LPGAT1: variants seen among roughly 807,000 people sequenced by gnomAD.
LPGAT1 encodes the protein acyl-CoA:lysophosphatidylglycerol acyltransferase 1.
In LPGAT1, 11 loss-of-function variants were observed where a neutral mutation model predicts 47.5. The observed-to-expected ratio is 0.23, with a 90% CI of 0.15 to 0.38. The LOEUF (loss-of-function observed/expected upper bound fraction) is 0.38, where lower values mean the gene tolerates loss of function less well. Ranked by LOEUF, LPGAT1 falls within the 10% of genes least tolerant of loss-of-function variation. The pLI, the probability that LPGAT1 is intolerant of heterozygous loss-of-function variation, is 1.00. For missense variants in LPGAT1, 293 were observed against 439.0 expected (o/e 0.67, Z 2.97); for synonymous variants, 138 against 144.2 (o/e 0.96, Z 0.31).
chr1:211,759,061 C>A (rs547970294), intron 6 of LPGAT1, among the ~76,000 whole-genome samples: 2 of 152,116 alleles, frequency 1.3e-5, no homozygotes, highest in African/African-American at 4.8e-5. Context: ...CACTATATAA[C>A]ATTACATATT....
chr1:211,815,516 A>G (rs548414771), intron 2 of LPGAT1, among the ~76,000 whole-genome samples: 2 of 152,176 alleles, frequency 1.3e-5, no homozygotes, highest in East Asian at 3.9e-4. Context: ...GGCCACACAC[A>G]CTGGCTTCTC....
At chr1:211,786,949 C>A (rs903771525) in intron 4 of LPGAT1, among the ~76,000 whole-genome samples, 5 of 152,092 alleles carry the variant, frequency 3.3e-5, no homozygotes, top group Non-Finnish European at 5.9e-5. Context: ...ATCCCCACAA[C>A]AACCATTGTG....
chr1:211,816,737 C>G (rs1189684651), intron 2 of LPGAT1, among the ~76,000 whole-genome samples: 2 of 152,158 alleles, frequency 1.3e-5, no homozygotes, highest in Non-Finnish European at 2.9e-5. Flanking sequence ...ACTTTACATT[C>G]AAGTTTCATA....
At chr1:211,828,637 A>C (rs1660618858) in intron 2 of LPGAT1, among the ~76,000 whole-genome samples, 1 of 152,230 alleles carries the variant, frequency 6.6e-6, no homozygotes, top group Non-Finnish European at 1.5e-5. Context: ...TAAATGATGA[A>C]GAAACTTATT....
At chr1:211,762,149 A>G (rs1462148481) in intron 6 of LPGAT1, among the ~76,000 whole-genome samples, 1 of 152,264 alleles carries the variant, frequency 6.6e-6, no homozygotes, top group Non-Finnish European at 1.5e-5. Flanking sequence ...CACAGGGCTA[A>G]AAGAGATCTC....
chr1:211,802,728 T>C (rs1659621605), intron 2 of LPGAT1, among the ~76,000 whole-genome samples: 1 of 151,784 alleles, frequency 6.6e-6, no homozygotes, highest in South Asian at 2.1e-4. Context: ...GAAAAAGAAA[T>C]CAAAGATGTA....
chr1:211,769,244 G>A (rs1218726205), intron 6 of LPGAT1, among the ~76,000 whole-genome samples: 1 of 152,094 alleles, frequency 6.6e-6, no homozygotes, highest in Admixed American at 6.6e-5. Context: ...AGTGGTCAGG[G>A]GATATGTATT....
At chr1:211,770,362 T>C (rs923713108) in intron 6 of LPGAT1, among the ~76,000 whole-genome samples, 3 of 152,236 alleles carry the variant, frequency 2.0e-5, no homozygotes, top group Non-Finnish European at 2.9e-5. Context: ...TATTTTGCCC[T>C]GTTTTGCATT....
chr1:211,783,086 CTT>C, intron 5 of LPGAT1, 141 bp downstream of exon 5: 1 of 758,842 alleles, frequency 1.3e-6, no homozygotes, highest in Non-Finnish European at 1.9e-6. Context: ...TAAATGGAAA[CTT>C]TTTTAAAAAA....
At chr1:211,753,091 C>T (rs1247580299) in intron 6 of LPGAT1, among the ~76,000 whole-genome samples, 1 of 152,230 alleles carries the variant, frequency 6.6e-6, no homozygotes, top group East Asian at 1.9e-4. Context: ...TTCAATTTCA[C>T]CTTCCTAAAG....
chr1:211,786,676 A>G (rs72746538), intron 4 of LPGAT1, among the ~76,000 whole-genome samples: 4,087 of 152,286 alleles, frequency 0.027, 77 homozygotes, highest in Non-Finnish European at 0.039. Context: ...ATCTTCTCTG[A>G]AGTTTTTCTG....
At chr1:211,811,861 C>A (rs1219213465) in intron 2 of LPGAT1, among the ~76,000 whole-genome samples, 1 of 151,992 alleles carries the variant, frequency 6.6e-6, no homozygotes, top group Non-Finnish European at 1.5e-5. Context: ...GCCTAAAAAA[C>A]AAAAAAGATG....
At chr1:211,786,408 A>C (rs1658880429) in intron 4 of LPGAT1, among the ~76,000 whole-genome samples, 1 of 152,246 alleles carries the variant, frequency 6.6e-6, no homozygotes, top group Non-Finnish European at 1.5e-5. Flanking sequence ...GCACGGCACA[A>C]TCCAGGTTGT....
intron 1 of LPGAT1, chr1:211,829,691 A>G: frequency 9.6e-7 from 1 of 1,044,584 alleles, no homozygotes; most frequent in Non-Finnish European, 1.2e-6. Flanking sequence ...TCCAAACTGA[A>G]GACACAAGTG....
Position 211,787,756 on chromosome 1 carries a change from T to C in LPGAT1, c.358-29A>G, listed in dbSNP as rs375979053. On this transcript the variant is annotated intron_variant, in intron 3 of 7. Coordinates refer to ENST00000366997, the MANE Select transcript of LPGAT1 (RefSeq NM_014873.3). Reference sequence around the variant, plus strand: ...AAATATTTAAAAGCAAGAAATAATATTGGATAGAAGAAACCTGACTATAGT... The same window carrying C: ...AAATATTTAAAAGCAAGAAATAATACTGGATAGAAGAAACCTGACTATAGT... 7.7e-6 allele frequency: 11 copies of C among 1,421,104 alleles called. No individual in the cohort carries two copies. The African/African-American group carries it at 1.3e-4, about 17-fold the overall frequency. 88.0% of individuals were successfully genotyped at this position (1,421,104 alleles called of 1,614,324 possible). A position where few individuals can be genotyped will look rare whatever the true frequency, so the allele number is the denominator to read the frequency against.
chr1:211,800,003 C>G (rs1362929126), intron 2 of LPGAT1, among the ~76,000 whole-genome samples: 2 of 146,426 alleles, frequency 1.4e-5, no homozygotes, highest in Non-Finnish European at 3.1e-5. Flanking sequence ...CATTCAGATC[C>G]TCTATTTTTC....
chr1:211,749,904 A>G lies in LPGAT1; in HGVS notation c.1108T>C (p.Phe370Leu). 1 of 1,613,946 alleles carries G rather than the reference A, an allele frequency of 6.2e-7. No individual in the cohort carries two copies. Residue 370 changes from phenylalanine to leucine, a missense_variant, in exon 8 of 8, where the codon TTT (phenylalanine) becomes CTT (leucine). Phe to Leu is a conservative substitution (Grantham distance 22). Transcript: ENST00000366997. Reference protein sequence around the residue: ...NIIQYFYHCLF With the variant: ...NIIQYFYHCLL Reference sequence around the variant, plus strand: ...TGACAAGTCCACGTCAATTCCTAAAACAGGCAATGGTAAAAATACTGAATG... The same window carrying G: ...TGACAAGTCCACGTCAATTCCTAAAGCAGGCAATGGTAAAAATACTGAATG...
intron 2 of LPGAT1, among the ~76,000 whole-genome samples, chr1:211,815,972 G>A (rs1418130998): frequency 6.6e-6 from 1 of 151,698 alleles, no homozygotes; most frequent in Non-Finnish European, 1.5e-5. Flanking sequence ...TAGTAGAGAC[G>A]GGGTTTCACC....
chr1:211,751,021 T>G lies in LPGAT1; in HGVS notation c.901A>C (p.Thr301Pro). ...DVPLETDDLTTWLYQRFVEKE... is the reference protein window; with the variant it reads ...DVPLETDDLTPWLYQRFVEKE... ...TCAACAAACCGCTGATAGAGCCAAG[T>G]GGTAAGGTCATCAGTCTCCAGGGGT... Residue 301 changes from threonine (T) to proline (P), a missense_variant, in exon 7 of 8, where the codon ACT becomes CCT. Transcript: ENST00000366997. The G allele has an allele frequency of 1.2e-6, 2 of 1,613,880 alleles. No homozygotes were observed. The highest frequency in any genetic ancestry group is 2.2e-5 in the South Asian group (2 of 91,074).
Sources: gnomAD v4.1 joint callset for allele counts (sites outside exome capture counted in the v4.1 genomes callset) on GRCh38, gnomAD v4.1.1 for gene constraint, MANE v1.5 for transcripts, NCBI Gene and HGNC (gene_info 2026-07-23, HGNC 2026-07-21) for gene names.